Variants in PILRA observed in about 807,000 individuals in gnomAD.
The protein encoded by PILRA is paired immunoglobulin-like type 2 receptor alpha.
PILRA carries 37 observed loss-of-function variants against 33.1 expected under a neutral mutation model. That is an observed-to-expected ratio of 1.12 (90% confidence interval 0.86 to 1.47). The LOEUF is 1.47. PILRA is among the 40% of genes most tolerant of loss of function. PILRA has a pLI of 0.00. For synonymous variants in PILRA, 146 were observed against 149.9 expected (o/e 0.97, Z 0.19); for missense variants, 312 against 376.2 (o/e 0.83, Z 1.41).
At chr7:100,382,695 G>A (rs1002633289) in intron 2 of PILRA, among the ~76,000 whole-genome samples, 8 of 152,130 alleles carry the variant, frequency 5.3e-5, no homozygotes, top group South Asian at 2.1e-4. Flanking sequence ...TCTCTTCTAC[G>A]GTGTGGAAAG....
chr7:100,375,998 G>A (rs547516860), intron 2 of PILRA: 4 of 152,338 alleles, frequency 2.6e-5, no homozygotes, highest in South Asian at 4.1e-4. Context: ...AGGCAGGAAG[G>A]GGGTGCATTG....
intron 2 of PILRA, among the ~76,000 whole-genome samples, chr7:100,378,833 C>G (rs1202459524): frequency 1.3e-5 from 2 of 152,090 alleles, no homozygotes; most frequent in African/African-American, 4.8e-5. Context: ...TGGCTCACAC[C>G]TGTAAACCCA....
In PILRA at chr7:100,374,265, C is replaced by G. The variant is rs369623040; in HGVS notation, c.286C>G (p.Arg96Gly). 2 of 1,614,140 alleles carry G rather than the reference C, an allele frequency of 1.2e-6. No homozygotes were observed. Among genetic ancestry groups the G allele is most frequent in the Non-Finnish European group, 1.7e-6 (2 of 1,180,014 alleles). ...TTCCATTCACAAGGATTATGTGAAC[C>G]GGCTCTTTCTGAACTGGACAGAGGG... is the stretch of plus-strand genomic sequence containing the variant. ...PPSIHKDYVNRLFLNWTEGQK... is the reference protein window; with the variant it reads ...PPSIHKDYVNGLFLNWTEGQK... Residue 96 changes from arginine (R) to glycine (G), a missense_variant, in exon 2 of 7, where the codon CGG becomes GGG. Arg to Gly is a moderately radical substitution (Grantham distance 125, BLOSUM62 -2). Transcript: ENST00000198536.
At chr7:100,384,379 A>G (rs1030117304) in intron 2 of PILRA, among the ~76,000 whole-genome samples, 7 of 150,824 alleles carry the variant, frequency 4.6e-5, no homozygotes, top group African/African-American at 1.5e-4. Context: ...CTTGGAACCC[A>G]GCCTGGGCAA....
intron 2 of PILRA, among the ~76,000 whole-genome samples, chr7:100,386,344 T>A (rs1181318553): frequency 6.6e-6 from 1 of 152,190 alleles, no homozygotes; most frequent in Non-Finnish European, 1.5e-5. Flanking sequence ...ATTTAATCCC[T>A]GTCCCAGAAA....
chr7:100,372,340 G>C (rs1790836533), upstream of PILRA, among the ~76,000 whole-genome samples: 1 of 152,166 alleles, frequency 6.6e-6, no homozygotes. Context: ...GAAGCACAGA[G>C]GAGCCTACTA....
chr7:100,391,181 AATAATT>A lies in PILRA; in HGVS notation c.673+1078_673+1083del, dbSNP rs1277912966. On this transcript the variant is annotated intron_variant, in intron 3 of 6. Transcript: ENST00000198536. The stretch of plus-strand genomic sequence containing the variant: ...TAATAATAACAATAATAATAATAAT[AATAATT>A]ATTATTATTATTATTATTATTAGCT... Among the ~76,000 whole-genome samples, 841 of 141,978 alleles carry A rather than the reference AATAATT, an allele frequency of 5.9e-3. 11 individuals carry two copies. The highest frequency in any genetic ancestry group is 0.02 in the African/African-American group (765 of 37,570). The allele number at this position is 141,978 out of a possible 152,430, so 93.1% of individuals were successfully genotyped here.
rs372744954 is a variant in PILRA at position 100,374,267 on chromosome 7, G to T, written c.288G>T (p.Arg96=). The T allele has an allele frequency of 1.2e-6, 2 of 1,614,130 alleles. No homozygotes were observed. The highest frequency in any genetic ancestry group is 1.7e-6 in the Non-Finnish European group (2 of 1,180,032). The part of the protein sequence containing the change: ...PPSIHKDYVN[R]LFLNWTEGQK... The stretch of plus-strand genomic sequence containing the variant: ...CCATTCACAAGGATTATGTGAACCG[G>T]CTCTTTCTGAACTGGACAGAGGGTC... Residue 96 remains arginine, a synonymous_variant, in exon 2 of 7, where the codon CGG becomes CGT. Transcript: ENST00000198536.
intron 3 of PILRA, 109 bp downstream of exon 3, chr7:100,390,215 C>A: frequency 1.0e-6 from 1 of 969,142 alleles, no homozygotes; most frequent in Non-Finnish European, 1.6e-6. Flanking sequence ...TGGCTCCCCT[C>A]AAGCCCACCG....
In PILRA at chr7:100,390,011, G is replaced by C; in HGVS notation, c.578G>C (p.Ser193Thr). ...GKRRSDSWHI[S>T]LETAVGVAVA... ...CGACGCTCAGACTCTTGGCACATAA[G>C]TCTGGAGACTGCTGTGGGGGTGGCA... The change falls in exon 3 of 7, where the codon AGT becomes ACT. Residue 193 changes from serine (S) to threonine (T), a missense_variant. Coordinates refer to ENST00000198536, the MANE Select transcript of PILRA (RefSeq NM_013439.3). 2 of 1,614,140 alleles carry C rather than the reference G, an allele frequency of 1.2e-6. No individual in the cohort carries two copies. The highest frequency in any genetic ancestry group is 1.7e-6 in the Non-Finnish European group (2 of 1,180,014).
rs181461569 is a variant in PILRA, at chr7:100,377,496, C to G, written c.454+3063C>G. Among the ~76,000 whole-genome samples, 297 of 152,244 alleles carry G rather than the reference C, an allele frequency of 2.0e-3. 2 individuals carry two copies. The highest frequency in any genetic ancestry group is 6.8e-3 in the African/African-American group (284 of 41,548). ...GACGTCGTGATCTGCCCGCCTCGGCCTCCCAAAGTGCTGGGATTACAGGCT... is the reference window on the plus strand; with the variant it reads ...GACGTCGTGATCTGCCCGCCTCGGCGTCCCAAAGTGCTGGGATTACAGGCT... On this transcript the variant is annotated intron_variant, in intron 2 of 6. Transcript: ENST00000198536.
intron 2 of PILRA, among the ~76,000 whole-genome samples, chr7:100,386,155 C>A (rs746187914): frequency 1.1e-4 from 17 of 152,210 alleles, no homozygotes; most frequent in Non-Finnish European, 1.8e-4. Context: ...AGATGATCCA[C>A]CTGCCTTGGC....
chr7:100,371,617 C>CA (rs1392617515), upstream of PILRA, among the ~76,000 whole-genome samples: 3 of 152,304 alleles, frequency 2.0e-5, no homozygotes, highest in Middle Eastern at 6.8e-3. Flanking sequence ...GCTCCCCACA[C>CA]ACGACTTCCC....
chr7:100,377,047 G>A (rs1354606176), intron 2 of PILRA, among the ~76,000 whole-genome samples: 2 of 151,542 alleles, frequency 1.3e-5, no homozygotes, highest in Non-Finnish European at 2.9e-5. Context: ...ACAGGCATGA[G>A]CCACTGTGTC....
chr7:100,374,323 T>G lies in PILRA; in HGVS notation c.344T>G (p.Leu115Arg), dbSNP rs1790895093. 3.1e-6 allele frequency: 5 copies of G among 1,613,952 alleles called. No individual in the cohort carries two copies. The highest frequency in any genetic ancestry group is 1.7e-6 in the Non-Finnish European group (2 of 1,180,006). The stretch of plus-strand genomic sequence containing the variant: ...AGCGGCTTCCTCAGGATCTCCAACC[T>G]GCAGAAGCAGGACCAGTCTGTGTAT... The part of the protein sequence containing the change: ...QKSGFLRISN[L>R]QKQDQSVYFC... The change falls in exon 2 of 7, where the codon CTG becomes CGG. Residue 115 changes from leucine to arginine, a missense_variant. Transcript: ENST00000198536.
Position 100,376,881 on chromosome 7 carries a change from C to T in PILRA, c.454+2448C>T, listed in dbSNP as rs548621243. Among the ~76,000 whole-genome samples the T allele has an allele frequency of 5.3e-5, 8 of 151,012 alleles. No individual in the cohort carries two copies. The East Asian group carries it at 7.8e-4, about 15-fold the overall frequency. ...GGCTCAAGTGATTCTCTTGCCTCAGCCTCCCAAATAGCTGGGACTACAAGC... is the reference window on the plus strand; with the variant it reads ...GGCTCAAGTGATTCTCTTGCCTCAGTCTCCCAAATAGCTGGGACTACAAGC... On this transcript the variant is annotated intron_variant, in intron 2 of 6. Transcript: ENST00000198536.
rs532547776 is a variant in PILRA at position 100,388,338 on chromosome 7, G to A, written c.455-1550G>A. Among the ~76,000 whole-genome samples the A allele has an allele frequency of 1.5e-3, 226 of 152,216 alleles. 1 individual carries two copies. Among genetic ancestry groups the A allele is most frequent in the Middle Eastern group, 6.8e-3 (2 of 294 alleles). On this transcript the variant is annotated intron_variant, in intron 2 of 6. Transcript: ENST00000198536. ...TGCGTGAAACATCTATAAAGAAGGT[G>A]TAACTTGTTTGTAGGATGTGAAGGT...
At chr7:100,376,685 C>T (rs1790956774) in intron 2 of PILRA, among the ~76,000 whole-genome samples, 1 of 150,664 alleles carries the variant, frequency 6.6e-6, no homozygotes, top group Admixed American at 6.6e-5. Context: ...TGCTCTCGAA[C>T]TCCTGACCTC....
At chr7:100,375,054 G>A (rs941147486) in intron 2 of PILRA, among the ~76,000 whole-genome samples, 8 of 151,962 alleles carry the variant, frequency 5.3e-5, no homozygotes, top group South Asian at 4.2e-4. Context: ...CTCTTCTCTC[G>A]TGTATCATAT....
Sources: gnomAD v4.1 joint callset for allele counts (sites outside exome capture counted in the v4.1 genomes callset) on GRCh38, gnomAD v4.1.1 for gene constraint, MANE v1.5 for transcripts, NCBI Gene and HGNC (gene_info 2026-07-23, HGNC 2026-07-21) for gene names.